RSBN1L: variants seen among roughly 807,000 people sequenced by gnomAD.
RSBN1L encodes the protein lysine-specific demethylase RSBN1L.
RSBN1L carries 30 observed loss-of-function variants against 67.7 expected under a neutral mutation model. That is an observed-to-expected ratio of 0.44 (90% CI 0.33 to 0.60). RSBN1L has a LOEUF of 0.60. Among genes scored for constraint, RSBN1L ranks in the 20% least tolerant of loss-of-function variants. The pLI is 0.02. For missense variants in RSBN1L, 992 were observed against 1,031.7 expected (o/e 0.96, Z 0.53); for synonymous variants, 433 against 387.0 (o/e 1.12, Z -1.39).
chr7:77,730,703 C>T (rs1230315943), intron 1 of RSBN1L, among the ~76,000 whole-genome samples: 1 of 152,192 alleles, frequency 6.6e-6, no homozygotes, highest in Non-Finnish European at 1.5e-5. Flanking sequence ...ACATTTCCTC[C>T]ATGTCTTTGC....
intron 3 of RSBN1L, among the ~76,000 whole-genome samples, chr7:77,760,292 C>T (rs1340308808): frequency 6.6e-6 from 1 of 152,062 alleles, no homozygotes; most frequent in Admixed American, 6.6e-5. Context: ...TTGGTATTGA[C>T]ACTTACTGGC....
Position 77,750,177 on chromosome 7 carries a change from C to T in RSBN1L, c.1344+113C>T, listed in dbSNP as rs141298676. Reference sequence around the variant, plus strand: ...ATAAAAAGGTAAGAATATAATGAAACCATTTGGGAGTATTAAGAGTAAATT... The same window carrying T: ...ATAAAAAGGTAAGAATATAATGAAATCATTTGGGAGTATTAAGAGTAAATT... On this transcript the variant is annotated intron_variant, in intron 3 of 7. Coordinates refer to ENST00000334955, the MANE Select transcript of RSBN1L (RefSeq NM_198467.3). 246 of 554,878 alleles carry T rather than the reference C, an allele frequency of 4.4e-4. 4 individuals are homozygous for T. Among genetic ancestry groups the T allele is most frequent in the Middle Eastern group, 4.2e-3 (8 of 1,892 alleles). 34.4% of individuals were successfully genotyped at this position (554,878 alleles called of 1,614,324 possible). A position where few individuals can be genotyped will look rare whatever the true frequency, so the allele number is the denominator to read the frequency against.
intron 1 of RSBN1L, among the ~76,000 whole-genome samples, chr7:77,712,469 G>A (rs914771412): frequency 2.6e-5 from 4 of 151,914 alleles, no homozygotes; most frequent in Admixed American, 1.3e-4. Flanking sequence ...TTGTGGAGAC[G>A]GGTTTCACGA....
chr7:77,755,764 G>C (rs1030426066), intron 3 of RSBN1L, among the ~76,000 whole-genome samples: 3 of 152,144 alleles, frequency 2.0e-5, no homozygotes, highest in Middle Eastern at 3.2e-3. Context: ...GATGCCGCTT[G>C]ACCTAACTAT....
chr7:77,750,627 A>G (rs1291169600), intron 3 of RSBN1L, among the ~76,000 whole-genome samples: 1 of 152,220 alleles, frequency 6.6e-6, no homozygotes, highest in Non-Finnish European at 1.5e-5. Flanking sequence ...GAAAGCAGAC[A>G]GAATAGAGTC....
At chr7:77,763,149 C>CTTTTTTTTTTTTTTTTTTTT (rs11440608) in intron 3 of RSBN1L, among the ~76,000 whole-genome samples, 1 of 126,942 alleles carries the variant, frequency 7.9e-6, no homozygotes, top group African/African-American at 3.0e-5. Context: ...TATAATTTGA[C>CTTTTTTTTTTTTTTTTTTTT]TTTTTTTTTT....
At chr7:77,738,272 TA>T (rs1462316133) in intron 2 of RSBN1L, among the ~76,000 whole-genome samples, 1 of 152,074 alleles carries the variant, frequency 6.6e-6, no homozygotes, top group Non-Finnish European at 1.5e-5. Context: ...CACATGAAAA[TA>T]AAATTTAAAA....
At chr7:77,771,166 T>C (rs1791844132) in intron 5 of RSBN1L, among the ~76,000 whole-genome samples, 1 of 152,222 alleles carries the variant, frequency 6.6e-6, no homozygotes, top group African/African-American at 2.4e-5. Context: ...GGTCTTGATC[T>C]CTTGATCTCG....
chr7:77,696,852 T>G lies in RSBN1L; in HGVS notation c.383T>G (p.Leu128Arg). Residue 128 changes from leucine to arginine, a missense_variant, in exon 1 of 8, where the codon CTG (leucine) becomes CGG (arginine). Transcript: ENST00000334955. ...ASLSQPVPRKLLVPPTLLHAQ... is the reference protein window; with the variant it reads ...ASLSQPVPRKRLVPPTLLHAQ... ...TTGTCTCAGCCGGTGCCGCGCAAACTGCTGGTCCCTCCTACGCTGCTGCAC... is the reference window on the plus strand; with the variant it reads ...TTGTCTCAGCCGGTGCCGCGCAAACGGCTGGTCCCTCCTACGCTGCTGCAC... 6.2e-7 allele frequency: 1 copy of G among 1,612,674 alleles called. No homozygotes were observed. The highest frequency in any genetic ancestry group is 8.5e-7 in the Non-Finnish European group (1 of 1,179,914).
chr7:77,747,208 A>G (rs1232958927), intron 2 of RSBN1L, among the ~76,000 whole-genome samples: 1 of 152,224 alleles, frequency 6.6e-6, no homozygotes, highest in Non-Finnish European at 1.5e-5. Context: ...GCCATGTGGT[A>G]GAAAAGAAAA....
In RSBN1L at chr7:77,715,524, G is replaced by A. The variant is rs376681589; in HGVS notation, c.586+18469G>A. On this transcript the variant is annotated intron_variant, in intron 1 of 7. Transcript: ENST00000334955. ...GGGGCTCACCATGTTGGCCAGGAAG[G>A]TCTCGAACTCCTGGCCTCAAGTGAT... Among the ~76,000 whole-genome samples, 4 of 152,128 alleles carry A rather than the reference G, an allele frequency of 2.6e-5. No homozygotes were observed. The East Asian group carries it at 5.8e-4, about 22-fold the overall frequency.
intron 3 of RSBN1L, among the ~76,000 whole-genome samples, chr7:77,751,744 G>C (rs116570258): frequency 0.014 from 2,165 of 152,216 alleles, 40 homozygotes; most frequent in African/African-American, 0.037. Flanking sequence ...TCTTACTTTA[G>C]CAGTGAAGAA....
At chr7:77,722,667 C>G (rs2150416527) in intron 1 of RSBN1L, among the ~76,000 whole-genome samples, 1 of 151,936 alleles carries the variant, frequency 6.6e-6, no homozygotes, top group East Asian at 1.9e-4. Context: ...AACTGCTTTT[C>G]CTTCTGCTTC....
chr7:77,765,962 G>A (rs1406256865), intron 4 of RSBN1L, among the ~76,000 whole-genome samples: 3 of 152,108 alleles, frequency 2.0e-5, no homozygotes, highest in Non-Finnish European at 4.4e-5. Context: ...TGTAAACTAA[G>A]TACTAAAGGA....
chr7:77,772,354 C>T (rs751273754), intron 5 of RSBN1L, among the ~76,000 whole-genome samples: 20 of 152,096 alleles, frequency 1.3e-4, no homozygotes, highest in Non-Finnish European at 2.8e-4. Flanking sequence ...CTGGAAGAAA[C>T]AAAAACCGTA....
chr7:77,698,025 A>G (rs890843358), intron 1 of RSBN1L, among the ~76,000 whole-genome samples: 7 of 152,024 alleles, frequency 4.6e-5, no homozygotes, highest in Admixed American at 2.0e-4. Context: ...AGTGTTGTCA[A>G]ATAACTCTTT....
intron 1 of RSBN1L, among the ~76,000 whole-genome samples, chr7:77,706,080 G>GTT (rs796813233): frequency 4.4e-5 from 6 of 136,712 alleles, no homozygotes; most frequent in Non-Finnish European, 6.4e-5. Flanking sequence ...TTTATTTAAT[G>GTT]TTTTTTTTTT....
intron 5 of RSBN1L, among the ~76,000 whole-genome samples, chr7:77,770,316 A>C (rs1562810076): frequency 2.0e-5 from 3 of 152,168 alleles, no homozygotes; most frequent in Non-Finnish European, 4.4e-5. Flanking sequence ...TAGAGGTTGC[A>C]GTGAACCCAG....
At position 77,697,865 on chromosome 7, in the gene RSBN1L, C is replaced by A. The variant is rs193186294; in HGVS notation, c.586+810C>A. The stretch of plus-strand genomic sequence containing the variant: ...GTTTTGTTTTTAAATGTAGGCTAGT[C>A]GTATAATTTTTCAGGTGTTTCCACC... On this transcript the variant is annotated intron_variant, in intron 1 of 7. Coordinates refer to ENST00000334955, the MANE Select transcript of RSBN1L (RefSeq NM_198467.3). Among the ~76,000 whole-genome samples, 1,239 of 152,246 alleles carry A rather than the reference C, an allele frequency of 8.1e-3. 8 individuals carry two copies. Among genetic ancestry groups the A allele is most frequent in the Admixed American group, 0.013 (195 of 15,286 alleles).
Sources: allele counts gnomAD v4.1 joint callset (sites outside exome capture counted in the v4.1 genomes callset), GRCh38; gene constraint gnomAD v4.1.1; transcripts MANE v1.5; gene names NCBI Gene and HGNC (gene_info 2026-07-23, HGNC 2026-07-21).